The following CUL2 variants were observed in gnomAD, a reference collection of about 807,000 sequenced individuals.
The protein encoded by CUL2 is cullin 2.
Under a neutral mutation model 110.2 loss-of-function variants are expected in CUL2, and 22 were observed. The ratio of observed to expected loss-of-function variants is 0.20; its 90% CI spans 0.14 to 0.28. The LOEUF is 0.28. CUL2 is among the 10% of genes least tolerant of loss of function. CUL2 has a pLI of 1.00. For synonymous variants in CUL2, 279 were observed against 293.2 expected (o/e 0.95, Z 0.49); for missense variants, 631 against 905.5 (o/e 0.70, Z 3.89).
chr10:35,035,830 C>A (rs770938221), intron 9 of CUL2, among the ~76,000 whole-genome samples: 3 of 152,170 alleles, frequency 2.0e-5, no homozygotes, highest in Non-Finnish European at 2.9e-5. Context: ...GTAGACAGAT[C>A]CTTCTAACCA....
At chr10:35,078,779 CTAT>C (rs2086881926) in intron 1 of CUL2, among the ~76,000 whole-genome samples, 1 of 152,288 alleles carries the variant, frequency 6.6e-6, no homozygotes, top group Non-Finnish European at 1.5e-5. Flanking sequence ...TAACCACTTA[CTAT>C]TTTGATTCTC....
At chr10:35,048,459 TAAAA>T in intron 6 of CUL2, among the ~76,000 whole-genome samples, 1 of 152,312 alleles carries the variant, frequency 6.6e-6, no homozygotes. Flanking sequence ...AAAATTATAT[TAAAA>T]AAGATATTTC....
At position 35,098,193 on chromosome 10, in the gene CUL2, T is replaced by C. The variant is rs1564752364; in HGVS notation, c.167+2651A>G. On this transcript the variant is annotated intron_variant, in intron 2 of 5. Transcript: ENST00000685421. ...AAATTACCAGTGGATCCTTTATATT[T>C]CTTTGCAGTCACTTTTAGACAGGTA... 4 of 152,286 alleles carry C rather than the reference T, an allele frequency of 2.6e-5. No homozygotes were observed. The South Asian group carries it at 8.3e-4, about 32-fold the overall frequency. The allele number at this position is 152,286 out of a possible 1,614,324, so 9.4% of individuals were successfully genotyped here. A position where few individuals can be genotyped will look rare whatever the true frequency, so the allele number is the denominator to read the frequency against.
At chr10:35,056,864 T>C (rs888939263) in intron 4 of CUL2, among the ~76,000 whole-genome samples, 45 of 152,168 alleles carry the variant, frequency 3.0e-4, no homozygotes, top group Admixed American at 2.9e-3. Context: ...ATCTCATCCT[T>C]CCATTTTGCC....
intron 8 of CUL2, among the ~76,000 whole-genome samples, chr10:35,043,285 TG>T (rs2085842173): frequency 1.3e-5 from 2 of 151,808 alleles, no homozygotes; most frequent in East Asian, 3.9e-4. Flanking sequence ...TTCTTGGGGC[TG>T]GATCTAGAGG....
chr10:35,018,266 A>G (rs1166934698), intron 17 of CUL2, among the ~76,000 whole-genome samples: 2 of 133,334 alleles, frequency 1.5e-5, no homozygotes, highest in African/African-American at 5.6e-5. Context: ...CAGCCTGGGC[A>G]ACAGAGCAAG....
chr10:35,085,219 G>A (rs897444955), intron 1 of CUL2, among the ~76,000 whole-genome samples: 3 of 151,778 alleles, frequency 2.0e-5, no homozygotes, highest in African/African-American at 7.3e-5. Context: ...ACAAGGTCAG[G>A]AGATTGAGAC....
chr10:35,044,910 T>C, intron 6 of CUL2, 42 bp from the exon 7 acceptor site: 1 of 1,483,694 alleles, frequency 6.7e-7, no homozygotes. Context: ...AGAATACAAA[T>C]TATCTATGGA....
At chr10:35,095,646 C>T (rs2087286202) in intron 2 of CUL2, among the ~76,000 whole-genome samples, 2 of 152,078 alleles carry the variant, frequency 1.3e-5, no homozygotes, top group African/African-American at 2.4e-5. Flanking sequence ...GCAACCTCCG[C>T]CTCCCCGGTT....
In CUL2 at chr10:35,018,302, A is replaced by C. The variant is rs1476533810; in HGVS notation, c.1685-1908T>G. Among the ~76,000 whole-genome samples the C allele has an allele frequency of 2.8e-3, 418 of 150,514 alleles. 5 individuals are homozygous for C. The highest frequency in any genetic ancestry group is 4.2e-3 in the Non-Finnish European group (283 of 67,490). ...ACTCCATCTCACAAAAAAAAAAAAA[A>C]AAAAAAAAAAAAGATGAAATCAACA... On this transcript the variant is annotated intron_variant, in intron 17 of 20. Coordinates refer to ENST00000374749, the MANE Select transcript of CUL2 (RefSeq NM_003591.4).
chr10:35,057,586 G>T (rs2086270120), intron 4 of CUL2, among the ~76,000 whole-genome samples: 1 of 151,170 alleles, frequency 6.6e-6, no homozygotes, highest in South Asian at 2.1e-4. Flanking sequence ...CCAGGAGGCG[G>T]AGGTTGCAGT....
chr10:35,057,652 GAA>G (rs1231881473), intron 4 of CUL2, among the ~76,000 whole-genome samples: 3 of 84,586 alleles, frequency 3.5e-5, no homozygotes, highest in Admixed American at 2.7e-4. Flanking sequence ...GACTCCGTCT[GAA>G]AAAAAAAAAA....
intron 17 of CUL2, among the ~76,000 whole-genome samples, chr10:35,021,508 ATAAT>A (rs775253577): frequency 3.7e-4 from 55 of 149,692 alleles, no homozygotes; most frequent in African/African-American, 8.7e-4. Context: ...TGATATTTCC[ATAAT>A]TAATACATGT....
chr10:35,054,654 C>T (rs1219383693), intron 4 of CUL2, 115 bp from the exon 5 acceptor site: 42 of 524,964 alleles, frequency 8.0e-5, no homozygotes, highest in Non-Finnish European at 3.3e-6. Context: ...GAATAGCCTA[C>T]TAACAAATCC....
chr10:35,078,187 T>C (rs2086867778), intron 1 of CUL2, among the ~76,000 whole-genome samples: 1 of 152,110 alleles, frequency 6.6e-6, no homozygotes, highest in Admixed American at 6.6e-5. Context: ...CATGGTACTG[T>C]CCCTAAATGT....
chr10:35,018,300 A>C (rs74458015), intron 17 of CUL2, among the ~76,000 whole-genome samples: 3 of 133,704 alleles, frequency 2.2e-5, no homozygotes, highest in Non-Finnish European at 5.1e-5. Flanking sequence ...AAAAAAAAAA[A>C]AAAAAAAAAA....
chr10:35,102,767 C>T (rs1485649594), intron 1 of CUL2, among the ~76,000 whole-genome samples: 6 of 151,372 alleles, frequency 4.0e-5, no homozygotes, highest in Non-Finnish European at 5.9e-5. Context: ...CCTGTAATCC[C>T]GGCTACTCGG....
At position 35,059,992 on chromosome 10, in the gene CUL2, G is replaced by A. The variant is rs1186841300; in HGVS notation, c.317+882C>T. 4.6e-5 allele frequency among the ~76,000 whole-genome samples: 7 copies of A among 152,324 alleles called. No individual in the cohort carries two copies. In the South Asian group the frequency reaches 1.5e-3, roughly 32 times the overall value. ...AGTACTAATTTAGCCAGGCACAGTG[G>A]CTCATGCCTGTAATCCCAGCACTTT... On this transcript the variant is annotated intron_variant, in intron 4 of 20. Transcript: ENST00000374749.
At position 35,016,822 on chromosome 10, in the gene CUL2, G is replaced by GA. The variant is rs1271766410; in HGVS notation, c.1685-429dup. 2.0e-5 allele frequency among the ~76,000 whole-genome samples: 3 copies of GA among 151,246 alleles called. No homozygotes were observed. In the East Asian group the frequency reaches 5.8e-4, roughly 29 times the overall value. On this transcript the variant is annotated intron_variant, in intron 17 of 20. Transcript: ENST00000374749. Reference sequence around the variant, plus strand: ...CATGCTTGTAATCCTAGCCACTTGGGAGGCTGAGGCAGGAAAATCACTTGA... The same window carrying GA: ...CATGCTTGTAATCCTAGCCACTTGGGAAGGCTGAGGCAGGAAAATCACTTGA...
Sources: gnomAD v4.1 joint callset for allele counts (sites outside exome capture counted in the v4.1 genomes callset) on GRCh38, gnomAD v4.1.1 for gene constraint, MANE v1.5 for transcripts, NCBI Gene and HGNC (gene_info 2026-07-23, HGNC 2026-07-21) for gene names.